LRP1B: variants seen among roughly 807,000 people sequenced by gnomAD.
LRP1B encodes LDL receptor related protein 1B.
A neutral mutation model predicts 556.6 loss-of-function variants in LRP1B; 217 were observed. The ratio of observed to expected loss-of-function variants is 0.39; its 90% CI spans 0.35 to 0.44. LRP1B has a LOEUF of 0.44. Among genes scored for constraint, LRP1B ranks in the 20% least tolerant of loss-of-function variants. LRP1B has a pLI of 1.00. For synonymous variants in LRP1B, 2,047 were observed against 1,865.8 expected, an observed-to-expected ratio of 1.10 and a Z score of -2.50; for missense variants, 5,053 against 5,620.8, an observed-to-expected ratio of 0.90 and a Z score of 3.23.
intron 21 of LRP1B, among the ~76,000 whole-genome samples, chr2:140,913,343 A>T (rs1383120319): frequency 6.6e-6 from 1 of 151,962 alleles, no homozygotes; most frequent in Non-Finnish European, 1.5e-5. Context: ...AAAGTAGAAT[A>T]AGATGAAAGC....
intron 16 of LRP1B, among the ~76,000 whole-genome samples, chr2:140,993,711 G>A (rs532830778): frequency 1.8e-4 from 27 of 152,104 alleles, no homozygotes; most frequent in African/African-American, 6.5e-4. Flanking sequence ...AGCAACCTCT[G>A]ACAGTGGCAT....
intron 1 of LRP1B, among the ~76,000 whole-genome samples, chr2:141,835,617 A>G (rs2105752154): frequency 6.6e-6 from 1 of 152,090 alleles, no homozygotes; most frequent in East Asian, 1.9e-4. Flanking sequence ...AATTTATGGT[A>G]TAGGGATTAA....
intron 2 of LRP1B, among the ~76,000 whole-genome samples, chr2:141,676,191 G>T (rs1690869675): frequency 6.6e-6 from 1 of 151,686 alleles, no homozygotes; most frequent in African/African-American, 2.4e-5. Context: ...TTTTTGGACT[G>T]CCACCCCACT....
At chr2:140,889,516 G>T (rs2105198624) in intron 23 of LRP1B, among the ~76,000 whole-genome samples, 1 of 152,242 alleles carries the variant, frequency 6.6e-6, no homozygotes, top group Non-Finnish European at 1.5e-5. Flanking sequence ...GGATGGTCTT[G>T]AACTCCTGCC....
At chr2:141,903,703 G>T (rs1426884109) in intron 1 of LRP1B, among the ~76,000 whole-genome samples, 1 of 151,870 alleles carries the variant, frequency 6.6e-6, no homozygotes, top group African/African-American at 2.4e-5. Flanking sequence ...AACGTTTAAA[G>T]AATAAATAGT....
intron 3 of LRP1B, among the ~76,000 whole-genome samples, chr2:141,424,430 A>G (rs993748194): frequency 2.0e-5 from 3 of 152,104 alleles, no homozygotes; most frequent in Non-Finnish European, 4.4e-5. Flanking sequence ...TTAAATAACT[A>G]CTTCCATGAC....
rs760110755 is a variant in LRP1B at position 140,516,878 on chromosome 2, C to G, written c.8149+11G>C. The G allele has an allele frequency of 2.0e-5, 33 of 1,612,626 alleles. 1 individual carries two copies. The South Asian group carries it at 3.2e-4, about 16-fold the overall frequency. On this transcript the variant is annotated intron_variant, in intron 50 of 90. Transcript: ENST00000389484. Reference sequence around the variant, plus strand: ...AGGTTAACAAAAACTAAGCTAAATACAATGTCTCACCACAGTGGAATTCAT... The same window carrying G: ...AGGTTAACAAAAACTAAGCTAAATAGAATGTCTCACCACAGTGGAATTCAT...
intron 3 of LRP1B, among the ~76,000 whole-genome samples, chr2:141,282,784 G>A (rs1016760376): frequency 6.6e-6 from 1 of 152,044 alleles, no homozygotes; most frequent in Non-Finnish European, 1.5e-5. Flanking sequence ...TTTCCAGAAA[G>A]ATTCAGAAGC....
chr2:141,218,151 G>A (rs1682890769), intron 6 of LRP1B, among the ~76,000 whole-genome samples: 1 of 152,094 alleles, frequency 6.6e-6, no homozygotes, highest in South Asian at 2.1e-4. Context: ...ATTAGTTCTC[G>A]ATTGCAGAAA....
chr2:140,720,313 T>C (rs976495208), intron 35 of LRP1B, among the ~76,000 whole-genome samples: 8 of 152,040 alleles, frequency 5.3e-5, no homozygotes, highest in African/African-American at 1.9e-4. Context: ...ATGTATAATA[T>C]AATTACAGGA....
chr2:141,305,712 G>A (rs971608607), intron 3 of LRP1B, among the ~76,000 whole-genome samples: 10 of 152,142 alleles, frequency 6.6e-5, no homozygotes, highest in African/African-American at 1.2e-4. Context: ...TCAGTCTGAC[G>A]TTAGCTCTGG....
In LRP1B at chr2:141,810,391, C is replaced by G. The variant is rs769261170; in HGVS notation, c.93G>C (p.Leu31Phe). ...GGCAAAGAAATTCACCAGGATCACA[C>G]AACTGCTGATCTGAAAATGAAAATG... The part of the protein sequence containing the change: ...LTVGADRDQQ[L>F]CDPGEFLCHD... Residue 31 changes from leucine (L) to phenylalanine (F), a missense_variant, in exon 2 of 91, where the codon TTG becomes TTC. Leu to Phe is a conservative substitution (Grantham distance 22, BLOSUM62 0). Around this residue, in one of 5 missense-constraint regions of LRP1B, gnomAD observed 3,619 missense variants for 3,931.9 expected, o/e 0.92. Transcript: ENST00000389484. 1 of 1,612,802 alleles carries G rather than the reference C, an allele frequency of 6.2e-7. No homozygotes were observed. The highest frequency in any genetic ancestry group is 8.5e-7 in the Non-Finnish European group (1 of 1,179,292).
rs530191723 is a variant in LRP1B, at chr2:142,096,864, TC to T, written c.82+33783del. On this transcript the variant is annotated intron_variant, in intron 1 of 90. Coordinates refer to ENST00000389484, the MANE Select transcript of LRP1B (RefSeq NM_018557.3). ...AGTACCTAATAGTTTTTTAACCCTTTCTCCTCTCCCTTTCTCCCCTCTAGAA... is the reference window on the plus strand; with the variant it reads ...AGTACCTAATAGTTTTTTAACCCTTTTCCTCTCCCTTTCTCCCCTCTAGAA... 2.1e-3 allele frequency among the ~76,000 whole-genome samples: 318 copies of T among 151,594 alleles called. 2 individuals carry two copies. Among genetic ancestry groups the T allele is most frequent in the African/African-American group, 6.9e-3 (286 of 41,478 alleles).
At chr2:140,710,005 G>T (rs1686977570) in intron 37 of LRP1B, among the ~76,000 whole-genome samples, 1 of 151,930 alleles carries the variant, frequency 6.6e-6, no homozygotes, top group South Asian at 2.1e-4. Context: ...TCTTAACTAT[G>T]AATATGGAAA....
intron 41 of LRP1B, among the ~76,000 whole-genome samples, chr2:140,682,020 T>A (rs2105379435): frequency 6.6e-6 from 1 of 152,356 alleles, no homozygotes; most frequent in East Asian, 1.9e-4. Flanking sequence ...AAGAACATAT[T>A]TGTCATCAGA....
chr2:141,737,410 C>A (rs562430873), intron 2 of LRP1B, among the ~76,000 whole-genome samples: 4 of 152,246 alleles, frequency 2.6e-5, no homozygotes, highest in Admixed American at 6.5e-5. Flanking sequence ...TGCTGACTTA[C>A]AAAAGACTTG....
chr2:140,292,835 A>T (rs531489657), intron 84 of LRP1B, among the ~76,000 whole-genome samples: 2 of 152,292 alleles, frequency 1.3e-5, no homozygotes, highest in South Asian at 4.1e-4. Context: ...GCTACCCTAG[A>T]AGACAAATGG....
intron 20 of LRP1B, among the ~76,000 whole-genome samples, chr2:140,935,198 C>G (rs1695167363): frequency 6.6e-6 from 1 of 152,016 alleles, no homozygotes; most frequent in Non-Finnish European, 1.5e-5. Flanking sequence ...TGACAGAGAT[C>G]TAATGGTAGA....
chr2:141,903,892 T>C (rs539906042), intron 1 of LRP1B, among the ~76,000 whole-genome samples: 5 of 152,020 alleles, frequency 3.3e-5, no homozygotes, highest in African/African-American at 9.6e-5. Flanking sequence ...CAGAGGATAA[T>C]GTTCAAGTTT....
Sources: gnomAD v4.1 joint callset for allele counts (sites outside exome capture counted in the v4.1 genomes callset) on GRCh38, gnomAD v4.1.1 for gene constraint, gnomAD v4.1.1 regional missense constraint, MANE v1.5 for transcripts, NCBI Gene and HGNC (gene_info 2026-07-23, HGNC 2026-07-21) for gene names.